Variants in ANK3 observed in about 807,000 individuals in gnomAD.
The protein encoded by ANK3 is ankyrin-3.
ANK3 carries 57 observed loss-of-function variants against 370.9 expected under a neutral mutation model. That is an observed-to-expected ratio of 0.15 (90% CI 0.12 to 0.19). The LOEUF (loss-of-function observed/expected upper bound fraction) is 0.19, where lower values mean the gene tolerates loss of function less well. ANK3 is among the 10% of genes least tolerant of loss of function. The pLI, the probability that ANK3 is intolerant of heterozygous loss-of-function variation, is 1.00. For missense variants in ANK3, 4,439 were observed against 5,302.1 expected, an observed-to-expected ratio of 0.84 and a Z score of 5.06; for synonymous variants, 1,929 against 1,946.3, an observed-to-expected ratio of 0.99 and a Z score of 0.23.
At chr10:60,401,801 C>T (rs1378595421) in intron 2 of ANK3, among the ~76,000 whole-genome samples, 2 of 152,090 alleles carry the variant, frequency 1.3e-5, no homozygotes, top group Non-Finnish European at 2.9e-5. Flanking sequence ...AGAAACAATG[C>T]TATAAATGGC....
At chr10:60,183,447 A>G (rs1215689735) in intron 17 of ANK3, among the ~76,000 whole-genome samples, 1 of 152,180 alleles carries the variant, frequency 6.6e-6, no homozygotes, top group Non-Finnish European at 1.5e-5. Context: ...TTATTTTTAT[A>G]TTCTTGGTTA....
chr10:60,626,251 A>G (rs2078408523), intron 1 of ANK3, among the ~76,000 whole-genome samples: 1 of 152,192 alleles, frequency 6.6e-6, no homozygotes, highest in Non-Finnish European at 1.5e-5. Context: ...TCATTGAAAT[A>G]TATTTACTGT....
intron 1 of ANK3, among the ~76,000 whole-genome samples, chr10:60,654,569 G>A (rs1300885915): frequency 6.6e-6 from 1 of 151,986 alleles, no homozygotes; most frequent in Non-Finnish European, 1.5e-5. Context: ...ATTTTCTCCT[G>A]TACATTATTG....
chr10:60,145,167 T>A (rs948739209), intron 23 of ANK3, among the ~76,000 whole-genome samples: 1 of 152,156 alleles, frequency 6.6e-6, no homozygotes, highest in African/African-American at 2.4e-5. Flanking sequence ...AAATACAGAA[T>A]CTCCCATTAT....
At chr10:60,228,882 T>C (rs1254916579) in intron 8 of ANK3, among the ~76,000 whole-genome samples, 1 of 152,164 alleles carries the variant, frequency 6.6e-6, no homozygotes, top group African/African-American at 2.4e-5. Context: ...GCCTATTTTG[T>C]TGACTCTTCA....
rs2077089109 is a variant in ANK3 at position 60,551,595 on chromosome 10, T to A, written c.96+63591A>T. Among the ~76,000 whole-genome samples, 3 of 152,174 alleles carry A rather than the reference T, an allele frequency of 2.0e-5. No individual in the cohort carries two copies. In the South Asian group the frequency reaches 6.2e-4, roughly 32 times the overall value. On this transcript the variant is annotated intron_variant, in intron 2 of 43. Transcript: ENST00000373827. Reference sequence around the variant, plus strand: ...TTATTTACTACTATGTTTAATCACATGTAAGATGCTATTGCTTATGAAATA... The same window carrying A: ...TTATTTACTACTATGTTTAATCACAAGTAAGATGCTATTGCTTATGAAATA...
intron 2 of ANK3, among the ~76,000 whole-genome samples, chr10:60,500,195 C>T (rs186696731): frequency 1.6e-4 from 24 of 152,178 alleles, no homozygotes. Context: ...TGATCCTTGC[C>T]CTAAATCATG....
chr10:60,551,717 T>G (rs977960698), intron 2 of ANK3, among the ~76,000 whole-genome samples: 1 of 152,200 alleles, frequency 6.6e-6, no homozygotes, highest in African/African-American at 2.4e-5. Context: ...TTTGAAAAAT[T>G]AGGCTCATTT....
chr10:60,390,291 A>G (rs945092236), upstream of ANK3, among the ~76,000 whole-genome samples: 2 of 152,184 alleles, frequency 1.3e-5, no homozygotes, highest in South Asian at 2.1e-4. Flanking sequence ...TTTAAAAACA[A>G]CATGCTGATT....
chr10:60,539,325 A>T (rs899115045), intron 2 of ANK3, among the ~76,000 whole-genome samples: 10 of 152,032 alleles, frequency 6.6e-5, no homozygotes, highest in African/African-American at 2.2e-4. Context: ...CCTTTGTTGT[A>T]CCTTATGAAG....
rs560879081 is a variant in ANK3 at position 60,624,498 on chromosome 10, G to A, written c.58-9274C>T. Among the ~76,000 whole-genome samples, 5 of 152,214 alleles carry A rather than the reference G, an allele frequency of 3.3e-5. No individual in the cohort carries two copies. The East Asian group carries it at 7.7e-4, about 24-fold the overall frequency. On this transcript the variant is annotated intron_variant, in intron 1 of 43. Transcript: ENST00000373827. ...TGTGTTCCCCAGTCTTCCCTTGCTC[G>A]ATTTGAATCTGTATTCTTTTGCTCT... is the stretch of plus-strand genomic sequence containing the variant.
At chr10:60,030,341 A>G (rs1300064211) in intron 43 of ANK3, among the ~76,000 whole-genome samples, 1 of 151,868 alleles carries the variant, frequency 6.6e-6, no homozygotes, top group Admixed American at 6.6e-5. Flanking sequence ...ACGGGGTTTC[A>G]CTATGTTAGT....
intron 2 of ANK3, among the ~76,000 whole-genome samples, chr10:60,417,939 T>C (rs1195572190): frequency 6.6e-6 from 1 of 152,286 alleles, no homozygotes. Context: ...TTTTACCACA[T>C]ACACATTTCT....
At chr10:60,605,942 G>C (rs1015816736) in intron 2 of ANK3, among the ~76,000 whole-genome samples, 2 of 152,102 alleles carry the variant, frequency 1.3e-5, no homozygotes, top group South Asian at 4.1e-4. Context: ...TCATGTTGTA[G>C]GAGTGCCATA....
At chr10:60,520,431 G>A (rs2076322481) in intron 2 of ANK3, among the ~76,000 whole-genome samples, 1 of 151,776 alleles carries the variant, frequency 6.6e-6, no homozygotes, top group South Asian at 2.1e-4. Context: ...AATAAAAGTT[G>A]AATTTAAAAA....
chr10:60,126,207 CT>C (rs1323603657), intron 25 of ANK3, among the ~76,000 whole-genome samples: 1 of 152,148 alleles, frequency 6.6e-6, no homozygotes, highest in African/African-American at 2.4e-5. Flanking sequence ...CAAATCTGGT[CT>C]GAAAAGGAAG....
chr10:60,060,085 A>G, intron 40 of ANK3: 4 of 1,087,954 alleles, frequency 3.7e-6, no homozygotes, highest in South Asian at 4.2e-5. Flanking sequence ...GACTAAAATT[A>G]TATCAGGCAT....
intron 41 of ANK3, among the ~76,000 whole-genome samples, chr10:60,058,638 G>A (rs566792113): frequency 7.2e-5 from 11 of 152,158 alleles, no homozygotes; most frequent in African/African-American, 2.4e-4. Flanking sequence ...TAGATGATGG[G>A]GTGTATTGAT....
chr10:60,166,610 A>G lies in ANK3; in HGVS notation c.2595T>C (p.Tyr865=). Residue 865 remains tyrosine (Y), a synonymous_variant, in exon 23 of 44, where the codon TAT becomes TAC. Transcript: ENST00000280772. ...AAATACCTTCTTCAACATCTGAGAT[A>G]TATTCGCCATCACTGAGCATTTCAG... is the stretch of plus-strand genomic sequence containing the variant. ...NAPEMLSDGE[Y]ISDVEEGEDA... is the part of the protein sequence containing the mutation. 6.2e-7 allele frequency: 1 copy of G among 1,613,798 alleles called. No individual in the cohort carries two copies. The highest frequency in any genetic ancestry group is 1.1e-5 in the South Asian group (1 of 91,052).
Sources: gnomAD v4.1 joint callset for allele counts (sites outside exome capture counted in the v4.1 genomes callset) on GRCh38, gnomAD v4.1.1 for gene constraint, MANE v1.5 for transcripts, NCBI Gene and HGNC (gene_info 2026-07-23, HGNC 2026-07-21) for gene names.